The following SEMA3E variants were observed in gnomAD, a reference collection of about 807,000 sequenced individuals.
The protein encoded by SEMA3E is semaphorin-3E.
A neutral mutation model predicts 93.6 loss-of-function variants in SEMA3E; 49 were observed. The ratio of observed to expected loss-of-function variants is 0.52; its 90% CI spans 0.42 to 0.66. The LOEUF is 0.66. Among genes scored for constraint, SEMA3E ranks in the 30% least tolerant of loss-of-function variants. SEMA3E has a pLI of 0.00. For synonymous variants in SEMA3E, 363 were observed against 330.7 expected (o/e 1.10, Z -1.06); for missense variants, 906 against 964.8 (o/e 0.94, Z 0.81).
intron 1 of SEMA3E, among the ~76,000 whole-genome samples, chr7:83,515,926 C>G (rs898732719): frequency 2.0e-5 from 3 of 152,140 alleles, no homozygotes; most frequent in African/African-American, 7.2e-5. Flanking sequence ...ACTTGGGAGG[C>G]TGAGGCAGGA....
chr7:83,467,988 T>A (rs1201949036), intron 3 of SEMA3E, among the ~76,000 whole-genome samples: 2 of 152,228 alleles, frequency 1.3e-5, no homozygotes, highest in African/African-American at 4.8e-5. Context: ...TGCCATTCCA[T>A]TAAAAATAAA....
chr7:83,497,671 C>A (rs1455493276), intron 1 of SEMA3E, among the ~76,000 whole-genome samples: 1 of 152,138 alleles, frequency 6.6e-6, no homozygotes, highest in Non-Finnish European at 1.5e-5. Flanking sequence ...AAGCAATTAA[C>A]TTTTTAAAAA....
intron 5 of SEMA3E, among the ~76,000 whole-genome samples, chr7:83,414,196 A>C (rs1445256298): frequency 7.5e-6 from 1 of 133,398 alleles, no homozygotes; most frequent in African/African-American, 2.5e-5. Context: ...ACATTTGCTT[A>C]TTATGTTTGT....
chr7:83,478,968 A>C (rs942077643), intron 2 of SEMA3E, among the ~76,000 whole-genome samples: 5 of 152,206 alleles, frequency 3.3e-5, no homozygotes, highest in African/African-American at 1.2e-4. Flanking sequence ...CTGCCAAAGT[A>C]ATCACTAAAC....
intron 2 of SEMA3E, among the ~76,000 whole-genome samples, chr7:83,477,014 A>AT (rs1475024818): frequency 6.6e-6 from 1 of 152,076 alleles, no homozygotes; most frequent in Non-Finnish European, 1.5e-5. Flanking sequence ...TTACAAGGTA[A>AT]TTTTTTTCTG....
intron 1 of SEMA3E, among the ~76,000 whole-genome samples, chr7:83,550,488 G>A (rs1693385): frequency 0.024 from 3,725 of 152,054 alleles, 149 homozygotes; most frequent in African/African-American, 0.085. Flanking sequence ...CTTCACCATT[G>A]TTGATTTTTA....
chr7:83,646,216 G>C (rs555099280), intron 1 of SEMA3E, among the ~76,000 whole-genome samples: 1 of 152,034 alleles, frequency 6.6e-6, no homozygotes, highest in Non-Finnish European at 1.5e-5. Context: ...AACACTTGTC[G>C]TTACTGACAT....
At chr7:83,445,931 G>A (rs1266622702) in intron 4 of SEMA3E, among the ~76,000 whole-genome samples, 1 of 152,164 alleles carries the variant, frequency 6.6e-6, no homozygotes, top group Admixed American at 6.5e-5. Flanking sequence ...AGAAAAAGGT[G>A]AAGGCAGCAT....
chr7:83,409,733 T>C (rs2115659937), intron 5 of SEMA3E, among the ~76,000 whole-genome samples: 1 of 151,864 alleles, frequency 6.6e-6, no homozygotes, highest in South Asian at 2.1e-4. Context: ...AAACAGAATT[T>C]AAAAGATATT....
At chr7:83,475,220 T>G (rs1562798584) in intron 2 of SEMA3E, among the ~76,000 whole-genome samples, 1 of 152,134 alleles carries the variant, frequency 6.6e-6, no homozygotes, top group Non-Finnish European at 1.5e-5. Context: ...AAATGAAGGC[T>G]TCTTTAAACT....
chr7:83,593,157 C>T (rs535046248), intron 1 of SEMA3E, among the ~76,000 whole-genome samples: 10 of 151,952 alleles, frequency 6.6e-5, no homozygotes, highest in African/African-American at 2.2e-4. Context: ...AGCATCAAAT[C>T]ATTTGAAGTG....
At chr7:83,625,041 G>A (rs1047246765) in intron 1 of SEMA3E, among the ~76,000 whole-genome samples, 6 of 152,124 alleles carry the variant, frequency 3.9e-5, no homozygotes, top group African/African-American at 1.4e-4. Context: ...TTGTAGATGT[G>A]TGGTGTTATT....
intron 1 of SEMA3E, among the ~76,000 whole-genome samples, chr7:83,577,288 GAC>G (rs1792425953): frequency 6.6e-6 from 1 of 152,110 alleles, no homozygotes; most frequent in South Asian, 2.1e-4. Context: ...CAAAAATTTG[GAC>G]AGTTTTGAAA....
intron 4 of SEMA3E, among the ~76,000 whole-genome samples, chr7:83,427,306 G>A (rs950579232): frequency 6.6e-6 from 1 of 151,026 alleles, no homozygotes; most frequent in African/African-American, 2.4e-5. Context: ...TTACTGACTC[G>A]ATGGTAGTTT....
chr7:83,643,386 T>C (rs1794039298), intron 1 of SEMA3E, among the ~76,000 whole-genome samples: 1 of 152,060 alleles, frequency 6.6e-6, no homozygotes, highest in Non-Finnish European at 1.5e-5. Flanking sequence ...AAAAAATGAT[T>C]TGATACACAT....
intron 1 of SEMA3E, among the ~76,000 whole-genome samples, chr7:83,490,838 C>G (rs376960121): frequency 6.6e-6 from 1 of 152,048 alleles, no homozygotes; most frequent in Non-Finnish European, 1.5e-5. Flanking sequence ...AATACTCTTG[C>G]ATTCGTGCCT....
intron 1 of SEMA3E, among the ~76,000 whole-genome samples, chr7:83,507,191 G>T (rs1178878279): frequency 6.6e-6 from 1 of 152,064 alleles, no homozygotes; most frequent in Non-Finnish European, 1.5e-5. Flanking sequence ...AAAATAGTTG[G>T]ATCCTCTGGC....
intron 1 of SEMA3E, among the ~76,000 whole-genome samples, chr7:83,561,674 C>T (rs1792032220): frequency 6.6e-6 from 1 of 152,066 alleles, no homozygotes; most frequent in African/African-American, 2.4e-5. Flanking sequence ...AATTGTATGT[C>T]AATCTTACCT....
intron 1 of SEMA3E, among the ~76,000 whole-genome samples, chr7:83,612,209 A>G (rs1194186472): frequency 6.6e-6 from 1 of 152,140 alleles, no homozygotes; most frequent in Non-Finnish European, 1.5e-5. Context: ...TTATATTCAG[A>G]GTACTACTCA....
Sources: gnomAD v4.1 joint callset for allele counts (sites outside exome capture counted in the v4.1 genomes callset) on GRCh38, gnomAD v4.1.1 for gene constraint, MANE v1.5 for transcripts, NCBI Gene and HGNC (gene_info 2026-07-23, HGNC 2026-07-21) for gene names.